CCDC178: variants seen among roughly 807,000 people sequenced by gnomAD.
CCDC178 encodes the protein coiled-coil domain-containing protein 178.
CCDC178 carries 126 observed loss-of-function variants against 117.4 expected under a neutral mutation model. That is an observed-to-expected ratio of 1.07 (90% CI 0.93 to 1.24). The LOEUF is 1.24. Ranked by LOEUF, CCDC178 falls within the 50% of genes most tolerant of loss-of-function variation. CCDC178 has a pLI of 0.00. For missense variants in CCDC178, 1,030 were observed against 986.9 expected, an observed-to-expected ratio of 1.04 and a Z score of -0.59; for synonymous variants, 283 against 313.4, an observed-to-expected ratio of 0.90 and a Z score of 1.02.
chr18:32,997,644 C>A (rs1404571376), intron 21 of CCDC178, among the ~76,000 whole-genome samples: 1 of 151,560 alleles, frequency 6.6e-6, no homozygotes, highest in African/African-American at 2.4e-5. Flanking sequence ...ATATACATAC[C>A]TGTGTATGTA....
intron 21 of CCDC178, among the ~76,000 whole-genome samples, chr18:33,078,943 T>C (rs1405376251): frequency 6.6e-6 from 1 of 151,910 alleles, no homozygotes; most frequent in African/African-American, 2.4e-5. Context: ...AAAATTAATA[T>C]GAAACAAAAA....
chr18:33,404,167 G>C (rs1471764512), intron 3 of CCDC178, among the ~76,000 whole-genome samples: 1 of 152,058 alleles, frequency 6.6e-6, no homozygotes, highest in Non-Finnish European at 1.5e-5. Context: ...CCAGAGATCT[G>C]TACCACAAAA....
At chr18:33,431,167 A>C (rs897092710) in intron 2 of CCDC178, among the ~76,000 whole-genome samples, 4 of 150,088 alleles carry the variant, frequency 2.7e-5, no homozygotes, top group South Asian at 4.2e-4. Context: ...TGAAGTCTAC[A>C]TAAGTGAAAT....
intron 22 of CCDC178, among the ~76,000 whole-genome samples, chr18:32,938,511 A>G (rs112524879): frequency 6.6e-6 from 1 of 152,256 alleles, no homozygotes; most frequent in African/African-American, 2.4e-5. Flanking sequence ...GGATGTTCGT[A>G]TTTATTCAAC....
At position 33,415,015 on chromosome 18, in the gene CCDC178, C is replaced by A. The variant is rs555720392; in HGVS notation, c.-22-2905G>T. 3.9e-5 allele frequency among the ~76,000 whole-genome samples: 6 copies of A among 152,296 alleles called. No homozygotes were observed. In the East Asian group the frequency reaches 5.8e-4, roughly 15 times the overall value. Reference sequence around the variant, plus strand: ...ACCACAATGAGATACCATCTCACACCAGTTAGAATGGCGATCATTAAAAAG... The same window carrying A: ...ACCACAATGAGATACCATCTCACACAAGTTAGAATGGCGATCATTAAAAAG... On this transcript the variant is annotated intron_variant, in intron 2 of 22. Transcript: ENST00000383096.
chr18:33,316,615 G>T (rs1460868692), intron 11 of CCDC178, among the ~76,000 whole-genome samples: 2 of 152,134 alleles, frequency 1.3e-5, no homozygotes, highest in Non-Finnish European at 2.9e-5. Flanking sequence ...AAGCCAGCTG[G>T]GCTCCTGAGT....
intron 14 of CCDC178, among the ~76,000 whole-genome samples, chr18:33,256,782 C>T (rs1375251812): frequency 1.3e-5 from 2 of 151,936 alleles, no homozygotes; most frequent in Non-Finnish European, 2.9e-5. Flanking sequence ...TAATGAATTT[C>T]CCCCAGCTCT....
chr18:33,070,680 G>A (rs1391500873), intron 21 of CCDC178, among the ~76,000 whole-genome samples: 1 of 151,950 alleles, frequency 6.6e-6, no homozygotes, highest in African/African-American at 2.4e-5. Flanking sequence ...TGGTCCCAAT[G>A]TAAAGAAATA....
chr18:33,394,121 T>C (rs1336645165), intron 4 of CCDC178, among the ~76,000 whole-genome samples: 2 of 151,990 alleles, frequency 1.3e-5, no homozygotes, highest in Non-Finnish European at 1.5e-5. Context: ...TAATGGTAAA[T>C]TATACAACTA....
chr18:33,112,727 C>G (rs1402868703), intron 20 of CCDC178, among the ~76,000 whole-genome samples: 4 of 151,848 alleles, frequency 2.6e-5, no homozygotes, highest in African/African-American at 9.7e-5. Flanking sequence ...GGAACAAGAT[C>G]AGCACTTGGG....
At chr18:33,197,322 T>A (rs1305630843) in intron 20 of CCDC178, among the ~76,000 whole-genome samples, 1 of 152,126 alleles carries the variant, frequency 6.6e-6, no homozygotes, top group Non-Finnish European at 1.5e-5. Context: ...AGCCACCGCA[T>A]CCAGCCACTT....
chr18:32,951,634 A>T (rs2054486213), intron 22 of CCDC178, among the ~76,000 whole-genome samples: 1 of 152,186 alleles, frequency 6.6e-6, no homozygotes, highest in Non-Finnish European at 1.5e-5. Flanking sequence ...AAACCATATC[A>T]TTCTGCCCCA....
intron 21 of CCDC178, among the ~76,000 whole-genome samples, chr18:32,975,535 G>C (rs981095176): frequency 3.3e-5 from 5 of 151,770 alleles, no homozygotes; most frequent in Non-Finnish European, 5.9e-5. Flanking sequence ...ATTTTCAAAG[G>C]GATAAACATA....
At chr18:33,039,149 T>A (rs1349986470) in intron 21 of CCDC178, among the ~76,000 whole-genome samples, 1 of 151,990 alleles carries the variant, frequency 6.6e-6, no homozygotes, top group Non-Finnish European at 1.5e-5. Flanking sequence ...ATAAACCATA[T>A]AATTCTTCAA....
chr18:32,959,208 G>A (rs974637062), intron 22 of CCDC178, among the ~76,000 whole-genome samples: 2 of 152,134 alleles, frequency 1.3e-5, no homozygotes, highest in Admixed American at 1.3e-4. Context: ...CAGGGGAAAG[G>A]AATGAGAAGA....
chr18:33,023,133 TTGA>T (rs1275485837), intron 21 of CCDC178, among the ~76,000 whole-genome samples: 2 of 152,102 alleles, frequency 1.3e-5, no homozygotes, highest in Non-Finnish European at 2.9e-5. Context: ...ACAACAATAG[TTGA>T]TGATTTCAAC....
At chr18:33,430,719 T>C (rs1263853472) in intron 2 of CCDC178, among the ~76,000 whole-genome samples, 2 of 152,300 alleles carry the variant, frequency 1.3e-5, no homozygotes, top group African/African-American at 4.8e-5. Context: ...ATGTTGGACT[T>C]TTGCAAAACA....
intron 20 of CCDC178, among the ~76,000 whole-genome samples, chr18:33,161,179 T>G (rs1437096028): frequency 6.6e-6 from 1 of 151,974 alleles, no homozygotes; most frequent in African/African-American, 2.4e-5. Flanking sequence ...GAAAAAAGAA[T>G]AGTGGAGTTA....
At chr18:33,190,716 T>C (rs2058847402) in intron 20 of CCDC178, among the ~76,000 whole-genome samples, 1 of 152,204 alleles carries the variant, frequency 6.6e-6, no homozygotes, top group Non-Finnish European at 1.5e-5. Context: ...CCTGATTCAC[T>C]TTCATACTGG....
Sources: gnomAD v4.1 joint callset for allele counts (sites outside exome capture counted in the v4.1 genomes callset) on GRCh38, gnomAD v4.1.1 for gene constraint, MANE v1.5 for transcripts, NCBI Gene and HGNC (gene_info 2026-07-23, HGNC 2026-07-21) for gene names.